The following COG2 variants were observed in gnomAD, a reference collection of about 807,000 sequenced individuals.
COG2 encodes the protein component of oligomeric golgi complex 2.
Under a neutral mutation model 90.6 loss-of-function variants are expected in COG2, and 52 were observed. The observed-to-expected ratio is 0.57, with a 90% confidence interval of 0.46 to 0.72. COG2 has a LOEUF of 0.72. COG2 is among the 30% of genes least tolerant of loss of function. The pLI is 0.00. For synonymous variants in COG2, 337 were observed against 320.4 expected, an observed-to-expected ratio of 1.05 and a Z score of -0.55; for missense variants, 829 against 891.2, an observed-to-expected ratio of 0.93 and a Z score of 0.89.
Position 230,653,234 on chromosome 1 carries a change from T to G in COG2, c.73-6230T>G, listed in dbSNP as rs373753043. On this transcript the variant is annotated intron_variant, in intron 1 of 17. Coordinates refer to ENST00000366669, the MANE Select transcript of COG2 (RefSeq NM_007357.3). ...TTTTCATTTTTTGTTTTTTTTTTTT[T>G]TGGGGAGACAGAGTCTTGCTCTGTT... Among the ~76,000 whole-genome samples the G allele has an allele frequency of 2.9e-3, 446 of 151,204 alleles. 1 individual carries two copies. The highest frequency in any genetic ancestry group is 7.1e-3 in the African/African-American group (289 of 40,944).
intron 3 of COG2, among the ~76,000 whole-genome samples, chr1:230,662,365 A>G (rs2102751693): frequency 6.6e-6 from 1 of 152,266 alleles, no homozygotes; most frequent in Non-Finnish European, 1.5e-5. Context: ...CTGGCATTTA[A>G]TAGGTATTTT....
intron 17 of COG2, chr1:230,691,784 C>T: frequency 4.1e-6 from 2 of 493,610 alleles, no homozygotes; most frequent in Non-Finnish European, 7.2e-6. Context: ...GTGGCGTGCT[C>T]TCTGGTGCTG....
At chr1:230,686,289 G>A (rs1476387365) in intron 12 of COG2, among the ~76,000 whole-genome samples, 1 of 152,182 alleles carries the variant, frequency 6.6e-6, no homozygotes, top group East Asian at 1.9e-4. Context: ...TGGGCTGTCA[G>A]CTGTTTCTGA....
intron 3 of COG2, among the ~76,000 whole-genome samples, chr1:230,662,728 C>T (rs1397750003): frequency 6.6e-6 from 1 of 152,274 alleles, no homozygotes; most frequent in Admixed American, 6.5e-5. Context: ...CCTCACTGGT[C>T]CTGAAATATG....
intron 5 of COG2, among the ~76,000 whole-genome samples, chr1:230,667,147 C>G (rs1304319585): frequency 6.6e-6 from 1 of 152,200 alleles, no homozygotes; most frequent in Non-Finnish European, 1.5e-5. Context: ...TATAAGGCCC[C>G]TGACATCTTT....
intron 1 of COG2, among the ~76,000 whole-genome samples, chr1:230,648,229 G>GTGAT (rs1661836250): frequency 6.6e-6 from 1 of 152,240 alleles, no homozygotes; most frequent in Non-Finnish European, 1.5e-5. Context: ...AACCCATCTA[G>GTGAT]TGATCTGGAC....
intron 4 of COG2, among the ~76,000 whole-genome samples, chr1:230,663,770 CTT>C (rs1662246495): frequency 6.6e-6 from 1 of 152,118 alleles, no homozygotes; most frequent in African/African-American, 2.4e-5. Flanking sequence ...TGAATTGGCA[CTT>C]AACGTTTATT....
chr1:230,686,490 T>C (rs1309094747), intron 12 of COG2, among the ~76,000 whole-genome samples: 1 of 152,218 alleles, frequency 6.6e-6, no homozygotes, highest in Non-Finnish European at 1.5e-5. Context: ...TTTTCCCTTA[T>C]AAACAATGTG....
chr1:230,677,796 T>G (rs1044831427), intron 9 of COG2, among the ~76,000 whole-genome samples: 1 of 152,224 alleles, frequency 6.6e-6, no homozygotes, highest in African/African-American at 2.4e-5. Context: ...ATAGTATCCA[T>G]TTATTTCCAG....
intron 1 of COG2, among the ~76,000 whole-genome samples, chr1:230,658,645 C>T (rs1640327620): frequency 6.6e-6 from 1 of 152,196 alleles, no homozygotes; most frequent in Admixed American, 6.5e-5. Flanking sequence ...GCTGAAGCTG[C>T]ACCCGCAGCC....
chr1:230,676,257 C>G (rs1171822616), intron 9 of COG2, among the ~76,000 whole-genome samples: 1 of 152,010 alleles, frequency 6.6e-6, no homozygotes, highest in Non-Finnish European at 1.5e-5. Flanking sequence ...TCCTTCCTCC[C>G]ATCTTTTCTT....
In COG2 at chr1:230,670,968, T is replaced by A. The variant is rs1352068317; in HGVS notation, c.775-548T>A. The A allele has an allele frequency of 3.3e-5, 5 of 151,728 alleles. No homozygotes were observed. In the South Asian group the frequency reaches 1.0e-3, roughly 32 times the overall value. The allele number at this position is 151,728 out of a possible 1,614,324, so 9.4% of individuals were successfully genotyped here. On this transcript the variant is annotated intron_variant, in intron 7 of 17. Transcript: ENST00000366669. ...CTTTTTCACGGAACTGAATCTAGTG[T>A]GCTAAATTAAAGAACTATTTGAACT...
In COG2 at chr1:230,668,799, G is replaced by A; in HGVS notation, c.594+15G>A. On this transcript the variant is annotated intron_variant, in intron 6 of 17. Coordinates refer to ENST00000366669, the MANE Select transcript of COG2 (RefSeq NM_007357.3). ...AAGTAAGACCGGTAAGTGTTGTTTT[G>A]GATTTCCACAGTTTGGTGTTTAGGG... 1 of 1,506,084 alleles carries A rather than the reference G, an allele frequency of 6.6e-7. No individual in the cohort carries two copies. Among genetic ancestry groups the A allele is most frequent in the Non-Finnish European group, 9.2e-7 (1 of 1,092,750 alleles). 93.3% of individuals were successfully genotyped at this position (1,506,084 alleles called of 1,614,324 possible).
At chr1:230,692,352 GAAA>G (rs201583490) in intron 17 of COG2, among the ~76,000 whole-genome samples, 2 of 132,248 alleles carry the variant, frequency 1.5e-5, no homozygotes, top group Non-Finnish European at 3.3e-5. Flanking sequence ...AATAGAAAAA[GAAA>G]AAAAAAAAAG....
chr1:230,643,425 A>G (rs1050887965), intron 1 of COG2, among the ~76,000 whole-genome samples: 6 of 152,208 alleles, frequency 3.9e-5, no homozygotes, highest in Non-Finnish European at 7.3e-5. Flanking sequence ...CACTTAAGCC[A>G]TTCAAAAAAT....
intron 10 of COG2, 61 bp from the exon 11 acceptor site, chr1:230,683,513 G>C (rs1195395538): frequency 1.6e-6 from 2 of 1,288,926 alleles, no homozygotes; most frequent in Admixed American, 1.7e-5. Context: ...ACAGAGAATG[G>C]ATAGGGAAAG....
chr1:230,681,493 A>G, intron 10 of COG2: 1 of 152,038 alleles, frequency 6.6e-6, no homozygotes, highest in African/African-American at 2.4e-5. Context: ...TACTTCAGAG[A>G]AAAAAAACAA....
At chr1:230,660,348 G>T (rs913058829) in intron 2 of COG2, among the ~76,000 whole-genome samples, 2 of 152,030 alleles carry the variant, frequency 1.3e-5, no homozygotes, top group African/African-American at 4.8e-5. Flanking sequence ...ATTTCATTTT[G>T]ATTTTTCTCA....
intron 1 of COG2, among the ~76,000 whole-genome samples, chr1:230,650,518 G>A (rs958031269): frequency 2.6e-5 from 4 of 152,076 alleles, no homozygotes; most frequent in Non-Finnish European, 4.4e-5. Flanking sequence ...AGAAATGTCT[G>A]TTCATGTCTT....
Sources: allele counts gnomAD v4.1 joint callset (sites outside exome capture counted in the v4.1 genomes callset), GRCh38; gene constraint gnomAD v4.1.1; transcripts MANE v1.5; gene names NCBI Gene and HGNC (gene_info 2026-07-23, HGNC 2026-07-21).